PARD3: variants seen among roughly 807,000 people sequenced by gnomAD.
The protein encoded by PARD3 is partitioning defective 3 homolog.
PARD3 carries 75 observed loss-of-function variants against 155.4 expected under a neutral mutation model. That is an observed-to-expected ratio of 0.48 (90% confidence interval 0.40 to 0.58). The LOEUF is 0.58. PARD3 is among the 20% of genes least tolerant of loss of function. The pLI is 0.00. For synonymous variants in PARD3, 576 were observed against 610.5 expected (o/e 0.94, Z 0.83); for missense variants, 1,642 against 1,721.7 (o/e 0.95, Z 0.82).
chr10:34,423,497 G>C (rs144236413), intron 5 of PARD3, among the ~76,000 whole-genome samples: 52 of 152,240 alleles, frequency 3.4e-4, no homozygotes, highest in Non-Finnish European at 2.1e-4. Flanking sequence ...CGAAGTACGT[G>C]AGGTATTACA....
At chr10:34,118,377 T>C (rs1946799205) in intron 24 of PARD3, among the ~76,000 whole-genome samples, 1 of 152,222 alleles carries the variant, frequency 6.6e-6, no homozygotes, top group Admixed American at 6.5e-5. Flanking sequence ...AACAGGGTCT[T>C]GCTCTGTCAC....
chr10:34,318,445 G>C (rs1050460565), intron 19 of PARD3, among the ~76,000 whole-genome samples: 10 of 152,056 alleles, frequency 6.6e-5, no homozygotes, highest in African/African-American at 2.4e-4. Context: ...TTATAACAAA[G>C]AGCCAAACAG....
chr10:34,195,423 T>TACACAC (rs58340357), intron 22 of PARD3, among the ~76,000 whole-genome samples: 1 of 150,982 alleles, frequency 6.6e-6, no homozygotes, highest in Non-Finnish European at 1.5e-5. Flanking sequence ...CTGCTACAAA[T>TACACAC]ACACACACAC....
intron 10 of PARD3, among the ~76,000 whole-genome samples, chr10:34,377,468 T>C (rs1294919784): frequency 6.6e-6 from 1 of 152,084 alleles, no homozygotes; most frequent in African/African-American, 2.4e-5. Flanking sequence ...TGCACGCCTG[T>C]AGTCCCAGCT....
At chr10:34,367,455 C>A (rs1417093424) in intron 12 of PARD3, among the ~76,000 whole-genome samples, 1 of 152,176 alleles carries the variant, frequency 6.6e-6, no homozygotes, top group African/African-American at 2.4e-5. Context: ...CCTGTAATCC[C>A]GGCACTTTGG....
chr10:34,111,900 G>C (rs756577262), intron 24 of PARD3, among the ~76,000 whole-genome samples: 7 of 152,190 alleles, frequency 4.6e-5, no homozygotes, highest in Admixed American at 1.3e-4. Flanking sequence ...CACTGGCAAA[G>C]TATAGAAGTA....
chr10:34,753,382 G>A (rs1836308350), intron 1 of PARD3, among the ~76,000 whole-genome samples: 1 of 152,238 alleles, frequency 6.6e-6, no homozygotes, highest in Admixed American at 6.5e-5. Context: ...ACTGCTGGAA[G>A]ACACCAATTC....
chr10:34,480,404 A>C (rs2079000805), intron 3 of PARD3, among the ~76,000 whole-genome samples: 1 of 152,060 alleles, frequency 6.6e-6, no homozygotes, highest in Non-Finnish European at 1.5e-5. Context: ...CCGGTTAATT[A>C]ATTTTTTATT....
At chr10:34,680,755 A>C (rs981978698) in intron 2 of PARD3, among the ~76,000 whole-genome samples, 1 of 147,258 alleles carries the variant, frequency 6.8e-6, no homozygotes, top group East Asian at 2.0e-4. Context: ...AACACCACAT[A>C]TTCTCACTCA....
chr10:34,327,504 G>A (rs950550808), intron 19 of PARD3, among the ~76,000 whole-genome samples: 1 of 152,210 alleles, frequency 6.6e-6, no homozygotes, highest in Admixed American at 6.5e-5. Flanking sequence ...TAGTCACTGG[G>A]GAGGGGCTCG....
chr10:34,696,772 C>T (rs2094179897), intron 1 of PARD3, among the ~76,000 whole-genome samples: 1 of 150,758 alleles, frequency 6.6e-6, no homozygotes, highest in East Asian at 1.9e-4. Flanking sequence ...TTATTAACCC[C>T]CAATGCAATC....
intron 2 of PARD3, among the ~76,000 whole-genome samples, chr10:34,640,223 G>A (rs543241924): frequency 5.9e-5 from 9 of 152,302 alleles, no homozygotes; most frequent in Non-Finnish European, 1.0e-4. Flanking sequence ...GGCTGCAGGC[G>A]TGAATCCTAC....
chr10:34,621,121 A>C (rs1005599862), intron 2 of PARD3, among the ~76,000 whole-genome samples: 1 of 152,204 alleles, frequency 6.6e-6, no homozygotes, highest in Non-Finnish European at 1.5e-5. Flanking sequence ...TTTGCGCAGA[A>C]AAAGATTTCA....
At chr10:34,260,428 G>C (rs969889345) in intron 22 of PARD3, among the ~76,000 whole-genome samples, 6 of 152,332 alleles carry the variant, frequency 3.9e-5, no homozygotes, top group Admixed American at 1.3e-4. Flanking sequence ...ACTGTTTAGA[G>C]AGCTGGCCTG....
In PARD3 at chr10:34,337,370, C is replaced by T. The variant is rs1453457990; in HGVS notation, c.2465G>A (p.Arg822His). The change falls in exon 17 of 25, where the codon CGT becomes CAT. Residue 822 changes from arginine (R) to histidine (H), a missense_variant. Arg to His is a conservative substitution (Grantham distance 29, BLOSUM62 0). Coordinates refer to ENST00000374788, the MANE Select transcript of PARD3 (RefSeq NM_001184785.2). ...VLAFQREGFGRQSMSEKRTKQ... is the reference protein window; with the variant it reads ...VLAFQREGFGHQSMSEKRTKQ... ...TGTGCGTTTTTCTGACATACTCTGA[C>T]GTCCAAATCCTTCTCGTTGAAAAGC... is the stretch of plus-strand genomic sequence containing the variant. The T allele has an allele frequency of 8.1e-6, 13 of 1,600,830 alleles. No individual in the cohort carries two copies. The highest frequency in any genetic ancestry group is 1.7e-5 in the Admixed American group (1 of 57,942).
chr10:34,353,425 C>T (rs374641508), intron 14 of PARD3, among the ~76,000 whole-genome samples: 12 of 152,168 alleles, frequency 7.9e-5, no homozygotes, highest in South Asian at 2.1e-4. Flanking sequence ...CCCCCAACCC[C>T]GTGCTCTCTG....
chr10:34,424,725 G>A (rs1396607890), intron 5 of PARD3, among the ~76,000 whole-genome samples: 1 of 151,962 alleles, frequency 6.6e-6, no homozygotes, highest in Non-Finnish European at 1.5e-5. Flanking sequence ...ATGTTGCCCA[G>A]GCTGGTCTCA....
intron 22 of PARD3, among the ~76,000 whole-genome samples, chr10:34,157,765 G>A (rs1240368070): frequency 2.0e-4 from 31 of 152,202 alleles, no homozygotes; most frequent in African/African-American, 5.5e-4. Context: ...GTTTTTCATG[G>A]TTCTGATACA....
intron 10 of PARD3, among the ~76,000 whole-genome samples, chr10:34,377,420 TCTCTATGAAAAATA>T (rs1365611645): frequency 6.6e-6 from 1 of 152,000 alleles, no homozygotes; most frequent in Non-Finnish European, 1.5e-5. Flanking sequence ...TGAAACCCTG[TCTCTATGAAAAATA>T]CAAAAATTAG....
Sources: gnomAD v4.1 joint callset for allele counts (sites outside exome capture counted in the v4.1 genomes callset) on GRCh38, gnomAD v4.1.1 for gene constraint, MANE v1.5 for transcripts, NCBI Gene and HGNC (gene_info 2026-07-23, HGNC 2026-07-21) for gene names.